Variants in ADGRL3 observed in about 807,000 individuals in gnomAD.
ADGRL3 encodes the protein adhesion G protein-coupled receptor L3.
Under a neutral mutation model 153.5 loss-of-function variants are expected in ADGRL3, and 62 were observed. The observed-to-expected ratio is 0.40, with a 90% CI of 0.33 to 0.50. ADGRL3 has a LOEUF of 0.50. ADGRL3 is among the 20% of genes least tolerant of loss of function. The pLI is 0.47. For synonymous variants in ADGRL3, 710 were observed against 672.5 expected (o/e 1.06, Z -0.86); for missense variants, 1,641 against 1,859.4 (o/e 0.88, Z 2.16).
chr4:61,912,531 G>A (rs1230266123), intron 12 of ADGRL3, among the ~76,000 whole-genome samples, 188 bp from the exon 13 acceptor site: 2 of 152,088 alleles, frequency 1.3e-5, no homozygotes, highest in African/African-American at 4.8e-5. Flanking sequence ...AAAGGATGTT[G>A]GCTACTATTT....
intron 8 of ADGRL3, among the ~76,000 whole-genome samples, chr4:61,752,126 C>T (rs967719512): frequency 2.0e-5 from 3 of 152,086 alleles, no homozygotes; most frequent in African/African-American, 4.8e-5. Context: ...ATACTTACCT[C>T]GGGAAGAAAA....
At chr4:61,246,728 G>C (rs1239362262) in intron 1 of ADGRL3, among the ~76,000 whole-genome samples, 2 of 151,424 alleles carry the variant, frequency 1.3e-5, no homozygotes, top group African/African-American at 2.4e-5. Context: ...ACCAAAATGA[G>C]GTGTGTATAT....
chr4:61,627,340 G>A (rs1379323364), intron 5 of ADGRL3, among the ~76,000 whole-genome samples: 1 of 152,168 alleles, frequency 6.6e-6, no homozygotes, highest in East Asian at 1.9e-4. Context: ...TTAGCCGAAT[G>A]TGGTGGCTCA....
At chr4:61,974,653 C>T (rs546215239) in intron 17 of ADGRL3, among the ~76,000 whole-genome samples, 49 of 152,250 alleles carry the variant, frequency 3.2e-4, no homozygotes, top group African/African-American at 1.2e-3. Flanking sequence ...AGATTAAGTA[C>T]TTTGTTAAAA....
intron 1 of ADGRL3, among the ~76,000 whole-genome samples, chr4:61,372,310 T>G (rs1410178357): frequency 6.6e-6 from 1 of 152,154 alleles, no homozygotes; most frequent in Non-Finnish European, 1.5e-5. Flanking sequence ...GGCGCTCTGC[T>G]TTTTAGAGTT....
intron 6 of ADGRL3, among the ~76,000 whole-genome samples, chr4:61,708,116 C>T (rs1251296589): frequency 1.3e-5 from 2 of 151,928 alleles, no homozygotes; most frequent in Admixed American, 6.6e-5. Context: ...CCAAACTTAC[C>T]GTCTTCTTTT....
intron 2 of ADGRL3, among the ~76,000 whole-genome samples, chr4:61,492,137 G>T (rs1171775815): frequency 6.6e-6 from 1 of 152,056 alleles, no homozygotes; most frequent in African/African-American, 2.4e-5. Flanking sequence ...ATGCCAAATG[G>T]CATTTTTTAT....
chr4:61,639,210 C>A lies in ADGRL3; in HGVS notation c.474-37616C>A, dbSNP rs550147121. On this transcript the variant is annotated intron_variant, in intron 5 of 26. Transcript: ENST00000683033. ...TTTTAAGCCATATTTGTCTTCCAGT[C>A]CCCATTCCCCTATTGCCTCATGAAT... Among the ~76,000 whole-genome samples, 4 of 152,192 alleles carry A rather than the reference C, an allele frequency of 2.6e-5. No homozygotes were observed. The East Asian group carries it at 7.7e-4, about 29-fold the overall frequency.
chr4:61,692,153 C>G (rs576527766), intron 6 of ADGRL3, among the ~76,000 whole-genome samples: 1 of 152,112 alleles, frequency 6.6e-6, no homozygotes, highest in Non-Finnish European at 1.5e-5. Context: ...TGAACAAGTA[C>G]CATATGCCAG....
chr4:61,877,656 C>A (rs2098483443), intron 9 of ADGRL3, among the ~76,000 whole-genome samples: 2 of 152,104 alleles, frequency 1.3e-5, no homozygotes, highest in Non-Finnish European at 2.9e-5. Flanking sequence ...GGCTAAAAGT[C>A]CAAGCTTCAA....
chr4:61,513,591 A>C (rs2098475291), intron 3 of ADGRL3, among the ~76,000 whole-genome samples: 4 of 152,194 alleles, frequency 2.6e-5, no homozygotes. Context: ...CTAGGAAAGC[A>C]GAATGAAAGT....
chr4:61,344,820 C>T (rs1462226195), intron 1 of ADGRL3, among the ~76,000 whole-genome samples: 2 of 151,836 alleles, frequency 1.3e-5, no homozygotes, highest in East Asian at 1.9e-4. Context: ...GAGTTTCCCT[C>T]TTGTTGCCCA....
At chr4:61,677,608 AT>A (rs2095237812) in intron 6 of ADGRL3, among the ~76,000 whole-genome samples, 1 of 151,966 alleles carries the variant, frequency 6.6e-6, no homozygotes, top group African/African-American at 2.4e-5. Context: ...TCTCAAAACA[AT>A]TTTTATATCT....
At chr4:61,246,731 G>A (rs934119198) in intron 1 of ADGRL3, among the ~76,000 whole-genome samples, 1 of 151,564 alleles carries the variant, frequency 6.6e-6, no homozygotes, top group Non-Finnish European at 1.5e-5. Context: ...AAAATGAGGT[G>A]TGTATATATA....
chr4:61,693,417 G>T lies in ADGRL3; in HGVS notation c.583+16482G>T, dbSNP rs115678460. ...ATACAGCATGCCAGAACTCTAACTGGTATGTCTAAAGCTTATCATGCTAGA... is the reference window on the plus strand; with the variant it reads ...ATACAGCATGCCAGAACTCTAACTGTTATGTCTAAAGCTTATCATGCTAGA... On this transcript the variant is annotated intron_variant, in intron 6 of 26. Coordinates refer to ENST00000683033, the MANE Select transcript of ADGRL3 (RefSeq NM_001387552.1). 4.5e-3 allele frequency among the ~76,000 whole-genome samples: 684 copies of T among 151,714 alleles called. 6 individuals carry two copies. Among genetic ancestry groups the T allele is most frequent in the African/African-American group, 0.016 (646 of 41,362 alleles).
At chr4:61,513,753 C>T (rs2152885045) in intron 3 of ADGRL3, among the ~76,000 whole-genome samples, 1 of 152,242 alleles carries the variant, frequency 6.6e-6, no homozygotes, top group Non-Finnish European at 1.5e-5. Flanking sequence ...ATCTCCCCCT[C>T]AATTCAAATA....
intron 8 of ADGRL3, among the ~76,000 whole-genome samples, chr4:61,734,633 G>A (rs1327043915): frequency 6.6e-6 from 1 of 152,140 alleles, no homozygotes; most frequent in Non-Finnish European, 1.5e-5. Context: ...CCCTCCACAT[G>A]TGGGGATATG....
chr4:62,032,315 A>T (rs1722539988), intron 23 of ADGRL3, among the ~76,000 whole-genome samples: 1 of 151,406 alleles, frequency 6.6e-6, no homozygotes, highest in African/African-American at 2.4e-5. Flanking sequence ...AACACTAAAT[A>T]TTTTTATTAC....
chr4:61,795,068 T>C (rs116732426), intron 8 of ADGRL3, among the ~76,000 whole-genome samples: 2,331 of 152,342 alleles, frequency 0.015, 67 homozygotes, highest in African/African-American at 0.051. Context: ...AGGATCTTTT[T>C]ACCTATCAAG....
Sources: gnomAD v4.1 joint callset for allele counts (sites outside exome capture counted in the v4.1 genomes callset) on GRCh38, gnomAD v4.1.1 for gene constraint, MANE v1.5 for transcripts, NCBI Gene and HGNC (gene_info 2026-07-23, HGNC 2026-07-21) for gene names.